TEX11: variants seen among roughly 807,000 people sequenced by gnomAD.
The protein encoded by TEX11 is testis expressed 11, also known as testis-expressed protein 11.
In TEX11, 7 loss-of-function variants were observed where a neutral mutation model predicts 84.4. That is an observed-to-expected ratio of 0.08 (90% CI 0.05 to 0.16). The LOEUF is 0.16. Ranked by LOEUF, TEX11 falls within the 10% of genes least tolerant of loss-of-function variation. TEX11 has a pLI of 1.00. For synonymous variants in TEX11, 264 were observed against 222.8 expected, an observed-to-expected ratio of 1.18 and a Z score of -1.64; for missense variants, 551 against 660.5, an observed-to-expected ratio of 0.83 and a Z score of 1.82.
At chrX:70,881,005 CAAAAAAAAAAAAAAA>C (rs11284342) in intron 2 of TEX11, among the ~76,000 whole-genome samples, 5 of 46,246 alleles carry the variant, frequency 1.1e-4, no homozygotes, top group African/African-American at 3.9e-4. Flanking sequence ...AGACATCATC[CAAAAAAAAAAAAAAA>C]AAAAAAAAAA....
At chrX:70,636,393 T>C (rs2089573774) in intron 17 of TEX11, among the ~76,000 whole-genome samples, 1 of 109,614 alleles carries the variant, frequency 9.1e-6, no homozygotes, top group Non-Finnish European at 1.9e-5. Context: ...GCCAAGGGTC[T>C]AGTACCACCC....
At chrX:70,542,678 T>C (rs925567678) in intron 28 of TEX11, among the ~76,000 whole-genome samples, 23 of 111,895 alleles carry the variant, frequency 2.1e-4, no homozygotes, top group African/African-American at 7.5e-4. Context: ...GTTTTATATT[T>C]GTATGATAGC....
chrX:70,736,466 G>A (rs1348865109), intron 11 of TEX11, among the ~76,000 whole-genome samples: 1 of 109,686 alleles, frequency 9.1e-6, no homozygotes, highest in Non-Finnish European at 1.9e-5. Flanking sequence ...ATATGGAGGT[G>A]GTAAGTTTCC....
At chrX:70,613,110 ACT>A (rs1262094975) in intron 20 of TEX11, among the ~76,000 whole-genome samples, 1 of 111,666 alleles carries the variant, frequency 9.0e-6, no homozygotes, top group Non-Finnish European at 1.9e-5. Context: ...GAAAATAAAG[ACT>A]CTCAGACACA....
chrX:70,664,329 T>C (rs978243712), intron 16 of TEX11, among the ~76,000 whole-genome samples: 166 of 111,820 alleles, frequency 1.5e-3, no homozygotes, highest in African/African-American at 5.2e-3. Flanking sequence ...TACAATTGGT[T>C]TTGGGATCCA....
At position 70,880,039 on chromosome X, in the gene TEX11, G is replaced by A. The variant is rs767489661; in HGVS notation, c.108C>T (p.Ser36=). The change falls in exon 3 of 30, where the codon AGC becomes AGT. Residue 36 remains serine, a synonymous_variant. Coordinates refer to ENST00000374333, the MANE Select transcript of TEX11 (RefSeq NM_031276.3). ...NIPEAIDRLF[S]DIANINRESM... ...ACTCCCTGTTGATATTTGCTATGTC[G>A]CTGAAGAGTCTATCAATTGCCTCTG... 1.4e-5 allele frequency: 17 copies of A among 1,180,587 alleles called. No homozygotes were observed. The South Asian group carries it at 1.8e-4, about 13-fold the overall frequency.
chrX:70,722,276 T>A (rs1262597779), intron 13 of TEX11, among the ~76,000 whole-genome samples: 1 of 111,551 alleles, frequency 9.0e-6, no homozygotes, highest in Non-Finnish European at 1.9e-5. Flanking sequence ...GGGACTAAAT[T>A]TTTAAAATTA....
intron 2 of TEX11, among the ~76,000 whole-genome samples, chrX:70,890,017 T>C (rs956037387): frequency 4.5e-5 from 5 of 111,363 alleles, no homozygotes; most frequent in African/African-American, 1.6e-4. Flanking sequence ...CAAAACCCAT[T>C]GATCCCTTGC....
At chrX:70,622,047 AC>A (rs1413882401) in intron 20 of TEX11, among the ~76,000 whole-genome samples, 1 of 111,741 alleles carries the variant, frequency 8.9e-6, no homozygotes, top group South Asian at 3.7e-4. Context: ...CTCATTTATA[AC>A]CACAGGAATT....
intron 3 of TEX11, among the ~76,000 whole-genome samples, chrX:70,877,285 T>C (rs1365202193): frequency 3.8e-5 from 4 of 105,405 alleles, no homozygotes; most frequent in African/African-American, 1.1e-4. Flanking sequence ...CAGAGTGTGA[T>C]TGTCTTAAAA....
At chrX:70,711,624 G>C (rs971838041) in intron 13 of TEX11, among the ~76,000 whole-genome samples, 1 of 111,768 alleles carries the variant, frequency 8.9e-6, no homozygotes, top group Non-Finnish European at 1.9e-5. Flanking sequence ...TTGCCAACTT[G>C]TTGATGGGGT....
At position 70,552,253 on chromosome X, in the gene TEX11, ATC is replaced by A; in HGVS notation, c.2400-9_2400-8del. 8.3e-7 allele frequency: 1 copy of A among 1,204,959 alleles called. No individual in the cohort carries two copies. Among genetic ancestry groups the A allele is most frequent in the Admixed American group, 2.2e-5 (1 of 44,736 alleles). ...CAAGTTGTGCATACATTTGCTGAAA[ATC>A]AAAAAGAGAAAACTCATCCCATAAG... On this transcript the variant is annotated splice_region_variant and splice_polypyrimidine_tract_variant and intron_variant, in intron 27 of 29. Coordinates refer to ENST00000374333, the MANE Select transcript of TEX11 (RefSeq NM_031276.3).
intron 8 of TEX11, among the ~76,000 whole-genome samples, chrX:70,815,439 G>A (rs977856341): frequency 9.0e-6 from 1 of 110,566 alleles, no homozygotes; most frequent in African/African-American, 3.3e-5. Flanking sequence ...TTTCCCTCCT[G>A]CCATGGCTTC....
intron 11 of TEX11, among the ~76,000 whole-genome samples, chrX:70,736,936 G>A (rs1000253371): frequency 9.0e-6 from 1 of 111,648 alleles, no homozygotes; most frequent in African/African-American, 3.2e-5. Flanking sequence ...AGCTCAATAA[G>A]ATTTATAGTA....
intron 9 of TEX11, among the ~76,000 whole-genome samples, chrX:70,762,285 T>A (rs2090913676): frequency 8.9e-6 from 1 of 112,310 alleles, no homozygotes; most frequent in Admixed American, 9.5e-5. Context: ...AACTGTGGTG[T>A]GCAAACTACT....
chrX:70,652,408 T>C (rs928162209), intron 16 of TEX11, among the ~76,000 whole-genome samples: 2 of 111,803 alleles, frequency 1.8e-5, no homozygotes, highest in Non-Finnish European at 3.8e-5. Flanking sequence ...AGAAACGAGA[T>C]AGCAGAAGCA....
At chrX:70,751,127 C>G (rs2090821017) in intron 9 of TEX11, among the ~76,000 whole-genome samples, 1 of 104,182 alleles carries the variant, frequency 9.6e-6, no homozygotes. Flanking sequence ...CCTCCCATTA[C>G]TGGGTATATA....
intron 2 of TEX11, among the ~76,000 whole-genome samples, chrX:70,902,770 G>T (rs183139572): frequency 9.0e-6 from 1 of 111,046 alleles, no homozygotes; most frequent in Non-Finnish European, 1.9e-5. Flanking sequence ...GAACTCCTGA[G>T]CTCAAGTGAT....
chrX:70,752,680 C>G (rs2090837446), intron 9 of TEX11, among the ~76,000 whole-genome samples: 1 of 110,480 alleles, frequency 9.1e-6, no homozygotes, highest in Non-Finnish European at 1.9e-5. Flanking sequence ...CACCAATCGT[C>G]CCTCCTGCTG....
Sources: allele counts gnomAD v4.1 joint callset (sites outside exome capture counted in the v4.1 genomes callset), GRCh38; gene constraint gnomAD v4.1.1; transcripts MANE v1.5; gene names NCBI Gene and HGNC (gene_info 2026-07-23, HGNC 2026-07-21).